The following CALN1 variants were observed in gnomAD, a reference collection of about 807,000 sequenced individuals.
The protein encoded by CALN1 is calneuron 1.
A neutral mutation model predicts 30.6 loss-of-function variants in CALN1; 17 were observed. The observed-to-expected ratio is 0.56, with a 90% CI of 0.38 to 0.83. CALN1 has a LOEUF of 0.83. Among genes scored for constraint, CALN1 ranks in the 40% least tolerant of loss-of-function variants. CALN1 has a pLI of 0.00. For missense variants in CALN1, 291 were observed against 354.9 expected, an observed-to-expected ratio of 0.82 and a Z score of 1.45; for synonymous variants, 156 against 131.4, an observed-to-expected ratio of 1.19 and a Z score of -1.28.
At chr7:72,119,311 G>C (rs760384151) in intron 3 of CALN1, among the ~76,000 whole-genome samples, 3 of 150,864 alleles carry the variant, frequency 2.0e-5, no homozygotes, top group Non-Finnish European at 4.4e-5. Flanking sequence ...GAAGAGAGAG[G>C]ACTTATGCAG....
chr7:72,024,425 G>A (rs1800918883), intron 4 of CALN1, among the ~76,000 whole-genome samples: 1 of 152,084 alleles, frequency 6.6e-6, no homozygotes. Context: ...TTGAGATGGT[G>A]TCTTGCTCTG....
chr7:72,138,079 TAC>T (rs1358348855), intron 3 of CALN1, among the ~76,000 whole-genome samples: 1 of 152,202 alleles, frequency 6.6e-6, no homozygotes, highest in Non-Finnish European at 1.5e-5. Flanking sequence ...GGTGAAATAT[TAC>T]ACACATTCAA....
At chr7:72,218,562 G>A (rs1431363354) in intron 3 of CALN1, among the ~76,000 whole-genome samples, 1 of 152,278 alleles carries the variant, frequency 6.6e-6, no homozygotes, top group Non-Finnish European at 1.5e-5. Context: ...GTGGGGTGAG[G>A]AATTGAGTGA....
At chr7:72,138,154 A>G (rs1193541549) in intron 3 of CALN1, among the ~76,000 whole-genome samples, 2 of 152,224 alleles carry the variant, frequency 1.3e-5, no homozygotes, top group African/African-American at 4.8e-5. Flanking sequence ...ATATAAAACT[A>G]TATGTGTAAT....
chr7:72,146,161 A>G (rs1786700239), intron 3 of CALN1, among the ~76,000 whole-genome samples: 1 of 152,290 alleles, frequency 6.6e-6, no homozygotes, highest in African/African-American at 2.4e-5. Context: ...GTATTCAATT[A>G]GGAAAAGAGG....
chr7:71,875,026 G>A (rs371137666), intron 5 of CALN1, among the ~76,000 whole-genome samples: 1 of 152,176 alleles, frequency 6.6e-6, no homozygotes, highest in Non-Finnish European at 1.5e-5. Context: ...TTAGCTGAGT[G>A]TGGGGGTGCA....
chr7:72,142,252 G>C (rs1469813119), intron 3 of CALN1, among the ~76,000 whole-genome samples: 3 of 152,268 alleles, frequency 2.0e-5, no homozygotes, highest in East Asian at 3.9e-4. Context: ...ATGGCACCTG[G>C]AAAATCGGGT....
the CALN1 span, among the ~76,000 whole-genome samples, chr7:72,467,103 G>A: frequency 6.6e-6 from 1 of 152,080 alleles, no homozygotes; most frequent in Non-Finnish European, 1.5e-5. Context: ...CCTGCAGCAG[G>A]TCTAAGATAC....
chr7:72,343,191 G>C (rs1802463167), intron 2 of CALN1, among the ~76,000 whole-genome samples: 1 of 152,220 alleles, frequency 6.6e-6, no homozygotes, highest in Non-Finnish European at 1.5e-5. Flanking sequence ...AGGGGCACAG[G>C]AAGGGCTTAT....
At chr7:71,953,684 T>C (rs1043482871) in intron 5 of CALN1, among the ~76,000 whole-genome samples, 1 of 152,100 alleles carries the variant, frequency 6.6e-6, no homozygotes, top group Non-Finnish European at 1.5e-5. Flanking sequence ...AAATATTTAC[T>C]GAGTGCCATT....
At chr7:72,224,532 T>A (rs922915644) in intron 3 of CALN1, among the ~76,000 whole-genome samples, 1 of 150,218 alleles carries the variant, frequency 6.7e-6, no homozygotes, top group Non-Finnish European at 1.5e-5. Flanking sequence ...GTCTGTAATC[T>A]CAGCACTTTG....
rs533713423 is a variant in CALN1 at position 71,782,581 on chromosome 7, C to T, written c.*5194G>A. 52 of 152,216 alleles carry T rather than the reference C, an allele frequency of 3.4e-4. No homozygotes were observed. The highest frequency in any genetic ancestry group is 1.2e-3 in the African/African-American group (48 of 41,534). 9.4% of individuals were successfully genotyped at this position (152,216 alleles called of 1,614,324 possible). A position where few individuals can be genotyped will look rare whatever the true frequency, so the allele number is the denominator to read the frequency against. On this transcript the variant is annotated 3_prime_UTR_variant, in exon 7 of 7. Transcript: ENST00000395275. Reference sequence around the variant, plus strand: ...AGGGCCAAAAAATTGAGGACAATCCCGAGTGACTTAGTCAAAGCAAGTATG... The same window carrying T: ...AGGGCCAAAAAATTGAGGACAATCCTGAGTGACTTAGTCAAAGCAAGTATG...
chr7:72,146,160 T>C (rs568627121), intron 3 of CALN1, among the ~76,000 whole-genome samples: 1 of 152,286 alleles, frequency 6.6e-6, no homozygotes, highest in East Asian at 1.9e-4. Flanking sequence ...GGTATTCAAT[T>C]AGGAAAAGAG....
chr7:72,090,055 T>C (rs1805748377), intron 4 of CALN1, among the ~76,000 whole-genome samples: 1 of 152,186 alleles, frequency 6.6e-6, no homozygotes, highest in South Asian at 2.1e-4. Context: ...CCCAGCACTT[T>C]GGGAGGCCAA....
intron 1 of CALN1, among the ~76,000 whole-genome samples, chr7:72,424,558 G>C (rs1159452116): frequency 6.6e-6 from 1 of 151,956 alleles, no homozygotes; most frequent in Non-Finnish European, 1.5e-5. Context: ...AAACAAGATT[G>C]TTTATTTCCA....
chr7:72,448,652 C>A (rs1379144647), upstream of CALN1, among the ~76,000 whole-genome samples: 1 of 151,886 alleles, frequency 6.6e-6, no homozygotes, highest in East Asian at 1.9e-4. Flanking sequence ...GTTGCCCAGG[C>A]TGGAGTGCTG....
At chr7:72,488,378 TA>T in the CALN1 span, among the ~76,000 whole-genome samples, 4 of 149,968 alleles carry the variant, frequency 2.7e-5, no homozygotes, top group Admixed American at 6.7e-5. Flanking sequence ...CTCAAAAGAA[TA>T]AAAAAAAATA....
At chr7:72,124,143 G>C (rs1050639569) in intron 3 of CALN1, among the ~76,000 whole-genome samples, 2 of 152,144 alleles carry the variant, frequency 1.3e-5, no homozygotes, top group Non-Finnish European at 2.9e-5. Flanking sequence ...CAGCGACCTG[G>C]CTCAGAGTCC....
intron 3 of CALN1, among the ~76,000 whole-genome samples, chr7:72,219,495 G>T (rs1027215685): frequency 2.6e-5 from 4 of 152,090 alleles, no homozygotes; most frequent in Non-Finnish European, 5.9e-5. Flanking sequence ...CTCTCAAAGT[G>T]CTGGCATTAC....
Sources: allele counts gnomAD v4.1 joint callset (sites outside exome capture counted in the v4.1 genomes callset), GRCh38; gene constraint gnomAD v4.1.1; transcripts MANE v1.5; gene names NCBI Gene and HGNC (gene_info 2026-07-23, HGNC 2026-07-21).